Variants in SH3PXD2A observed in about 807,000 individuals in gnomAD.
SH3PXD2A encodes SH3 and PX domain-containing protein 2A.
Under a neutral mutation model 115.2 loss-of-function variants are expected in SH3PXD2A, and 32 were observed. That is an observed-to-expected ratio of 0.28 (90% confidence interval 0.21 to 0.37). The LOEUF (loss-of-function observed/expected upper bound fraction) is 0.37, where lower values mean the gene tolerates loss of function less well. Ranked by LOEUF, SH3PXD2A falls within the 10% of genes least tolerant of loss-of-function variation. The pLI is 1.00. For missense variants in SH3PXD2A, 1,328 were observed against 1,498.7 expected (o/e 0.89, Z 1.88); for synonymous variants, 610 against 629.1 (o/e 0.97, Z 0.45).
intron 1 of SH3PXD2A, among the ~76,000 whole-genome samples, chr10:103,811,481 A>G (rs116918432): frequency 3.3e-5 from 5 of 152,374 alleles, no homozygotes; most frequent in East Asian, 1.9e-4. Context: ...TCTCCAGTTC[A>G]TAAGTGAAGA....
intron 1 of SH3PXD2A, among the ~76,000 whole-genome samples, chr10:103,819,416 G>A (rs965913837): frequency 1.3e-5 from 2 of 152,298 alleles, no homozygotes; most frequent in Middle Eastern, 3.4e-3. Context: ...CATAAGCAAA[G>A]GCTGAGGGCT....
chr10:103,809,930 C>T (rs2039250129), intron 1 of SH3PXD2A, among the ~76,000 whole-genome samples: 1 of 151,690 alleles, frequency 6.6e-6, no homozygotes, highest in South Asian at 2.1e-4. Flanking sequence ...CTCAGGTGAT[C>T]CACCCGCCTC....
At chr10:103,699,420 G>A (rs940169380) in intron 5 of SH3PXD2A, among the ~76,000 whole-genome samples, 6 of 152,184 alleles carry the variant, frequency 3.9e-5, no homozygotes, top group Non-Finnish European at 5.9e-5. Flanking sequence ...ACTGTGGCAG[G>A]AGCCCTCGGA....
rs2036587312 is a variant in SH3PXD2A at position 103,620,554 on chromosome 10, C to T, written c.802+1916G>A. Among the ~76,000 whole-genome samples, 3 of 152,332 alleles carry T rather than the reference C, an allele frequency of 2.0e-5. No homozygotes were observed. Among genetic ancestry groups the T allele is most frequent in the South Asian group, 4.1e-4 (2 of 4,826 alleles). The stretch of plus-strand genomic sequence containing the variant: ...GGCCGTGGGGAAGCTCCGCTTTTCT[C>T]TTGTCTAGCTCCTCCACAACCTGCA... On this transcript the variant is annotated intron_variant, in intron 10 of 14. Transcript: ENST00000369774. The surrounding 1 kb of genome is among the most constrained non-coding windows in gnomAD (Gnocchi z 5.3).
At chr10:103,760,232 T>C (rs960206172) in intron 3 of SH3PXD2A, among the ~76,000 whole-genome samples, 2 of 152,184 alleles carry the variant, frequency 1.3e-5, no homozygotes, top group African/African-American at 4.8e-5. Flanking sequence ...TTGTCACACC[T>C]ACGGAACTTG....
Position 103,606,705 on chromosome 10 carries a change from C to T in SH3PXD2A, c.1309-788G>A, listed in dbSNP as rs915280232. Among the ~76,000 whole-genome samples the T allele has an allele frequency of 3.3e-5, 5 of 152,214 alleles. No individual in the cohort carries two copies. The East Asian group carries it at 5.8e-4, about 18-fold the overall frequency. On this transcript the variant is annotated intron_variant, in intron 13 of 14. Coordinates refer to ENST00000369774, the MANE Select transcript of SH3PXD2A (RefSeq NM_001394015.1). ...GGAGACGGGGTTTCGCTGTGTTGGC[C>T]GGGCTGGTCTCCAGCTCCTAACCGC...
Position 103,746,398 on chromosome 10 carries a change from C to T in SH3PXD2A, c.230-10590G>A, listed in dbSNP as rs1188247822. On this transcript the variant is annotated intron_variant, in intron 3 of 14. Coordinates refer to ENST00000369774, the MANE Select transcript of SH3PXD2A (RefSeq NM_001394015.1). The surrounding 1 kb of genome is among the most constrained non-coding windows in gnomAD (Gnocchi z 4.4). Reference sequence around the variant, plus strand: ...GCAGGGGAGTGATCTCGGCTCACTGCAATCTCTGCCTCCCGGGTTCAAGTG... The same window carrying T: ...GCAGGGGAGTGATCTCGGCTCACTGTAATCTCTGCCTCCCGGGTTCAAGTG... Among the ~76,000 whole-genome samples the T allele has an allele frequency of 2.0e-5, 3 of 152,158 alleles. No individual in the cohort carries two copies. The highest frequency in any genetic ancestry group is 4.4e-5 in the Non-Finnish European group (3 of 68,032).
chr10:103,612,739 G>T, intron 12 of SH3PXD2A, 114 bp downstream of exon 12: 1 of 660,798 alleles, frequency 1.5e-6, no homozygotes, highest in South Asian at 2.1e-5. Context: ...CCAGTCTGTA[G>T]CCCAGGAGGA....
intron 10 of SH3PXD2A, among the ~76,000 whole-genome samples, chr10:103,621,644 G>A (rs1000898647): frequency 6.6e-6 from 1 of 152,218 alleles, no homozygotes; most frequent in African/African-American, 2.4e-5. Context: ...TGCTCCATGC[G>A]GGGCTGGCCA....
chr10:103,739,816 C>T (rs766470397), intron 3 of SH3PXD2A, among the ~76,000 whole-genome samples: 9 of 152,202 alleles, frequency 5.9e-5, no homozygotes, highest in Non-Finnish European at 1.0e-4. Context: ...GCAGCTGCGA[C>T]GTCTAAGCAG....
At chr10:103,738,397 T>A (rs7085238) in intron 3 of SH3PXD2A, among the ~76,000 whole-genome samples, 49,014 of 151,908 alleles carry the variant, frequency 0.32, 9,435 homozygotes, top group African/African-American at 0.54. Flanking sequence ...AAACATGAGG[T>A]GACCTGAGCT....
At chr10:103,811,759 C>G (rs565992359) in intron 1 of SH3PXD2A, among the ~76,000 whole-genome samples, 1 of 152,156 alleles carries the variant, frequency 6.6e-6, no homozygotes, top group East Asian at 1.9e-4. Context: ...GGGATCCTTG[C>G]GGGGATCAGC....
chr10:103,710,929 G>A (rs1371430955), intron 5 of SH3PXD2A, among the ~76,000 whole-genome samples: 8 of 152,134 alleles, frequency 5.3e-5, no homozygotes, highest in Non-Finnish European at 1.0e-4. Flanking sequence ...CTAGTTACTC[G>A]GGAGGCTGAG....
intron 1 of SH3PXD2A, among the ~76,000 whole-genome samples, chr10:103,843,269 C>T (rs1433637132): frequency 6.6e-6 from 1 of 152,234 alleles, no homozygotes; most frequent in East Asian, 1.9e-4. Flanking sequence ...GCTGCCGATG[C>T]TCTGCCCCTA....
intron 1 of SH3PXD2A, among the ~76,000 whole-genome samples, chr10:103,808,434 T>C (rs1462187812): frequency 1.3e-5 from 2 of 152,010 alleles, no homozygotes; most frequent in Non-Finnish European, 2.9e-5. Context: ...GTATTTTTAG[T>C]AGAGACAGGG....
chr10:103,691,971 C>CCA (rs1375592281), intron 6 of SH3PXD2A, among the ~76,000 whole-genome samples: 2 of 152,190 alleles, frequency 1.3e-5, no homozygotes, highest in Admixed American at 1.3e-4. Flanking sequence ...CATCCATCCA[C>CCA]CACACAGGGG....
intron 11 of SH3PXD2A, among the ~76,000 whole-genome samples, chr10:103,616,943 A>C (rs951235606): frequency 6.6e-6 from 1 of 152,284 alleles, no homozygotes; most frequent in Admixed American, 6.5e-5. Flanking sequence ...CACAGCCTGC[A>C]AGCTGACCCG....
At position 103,739,494 on chromosome 10, in the gene SH3PXD2A, C is replaced by T. The variant is rs114032707; in HGVS notation, c.230-3686G>A. 1.9e-3 allele frequency among the ~76,000 whole-genome samples: 293 copies of T among 152,194 alleles called. 1 individual carries two copies. Among genetic ancestry groups the T allele is most frequent in the African/African-American group, 6.7e-3 (278 of 41,516 alleles). On this transcript the variant is annotated intron_variant, in intron 3 of 14. Coordinates refer to ENST00000369774, the MANE Select transcript of SH3PXD2A (RefSeq NM_001394015.1). ...GAGGGAGGGCCTGGAAGGGATTCTCCGGTCTTGACTTCTCTGTTAGGAATC... is the reference window on the plus strand; with the variant it reads ...GAGGGAGGGCCTGGAAGGGATTCTCTGGTCTTGACTTCTCTGTTAGGAATC...
intron 7 of SH3PXD2A, among the ~76,000 whole-genome samples, chr10:103,664,320 T>C (rs563842739): frequency 1.3e-5 from 2 of 152,318 alleles, no homozygotes; most frequent in African/African-American, 4.8e-5. Context: ...GGCCAGATCA[T>C]AGCAATAGTG....
Sources: gnomAD v4.1 joint callset for allele counts (sites outside exome capture counted in the v4.1 genomes callset) on GRCh38, gnomAD v4.1.1 for gene constraint, Gnocchi (gnomAD v3.1) non-coding constraint, MANE v1.5 for transcripts, NCBI Gene and HGNC (gene_info 2026-07-23, HGNC 2026-07-21) for gene names.